SHROOM2: variants seen among roughly 807,000 people sequenced by gnomAD.
SHROOM2 encodes the protein protein Shroom2.
SHROOM2 carries 33 observed loss-of-function variants against 75.9 expected under a neutral mutation model. The ratio of observed to expected loss-of-function variants is 0.43; its 90% CI spans 0.33 to 0.58. The LOEUF (loss-of-function observed/expected upper bound fraction) is 0.58. Ranked by LOEUF, SHROOM2 falls within the 20% of genes least tolerant of loss-of-function variation. The probability of loss-of-function intolerance (pLI) is 0.04; values close to 1 mark genes in which losing one functional copy is unlikely to be tolerated. For synonymous variants in SHROOM2, 655 were observed against 663.6 expected (o/e 0.99, Z 0.20); for missense variants, 1,434 against 1,461.2 (o/e 0.98, Z 0.30).
In SHROOM2 at chrX:9,937,122, T is replaced by G. The variant is rs374380947; in HGVS notation, c.3588-12T>G. On this transcript the variant is annotated splice_polypyrimidine_tract_variant and intron_variant, in intron 6 of 9. Coordinates refer to ENST00000380913, the MANE Select transcript of SHROOM2 (RefSeq NM_001649.4). ...CATGCTTTGCGATTTCAGCAGACTG[T>G]TCATCTTCCAGAATTGAGCGGGTGA... The G allele has an allele frequency of 8.5e-7, 1 of 1,177,348 alleles. No individual in the cohort carries two copies. Among genetic ancestry groups the G allele is most frequent in the East Asian group, 3.1e-5 (1 of 32,317 alleles).
chrX:9,939,431 A>C, intron 8 of SHROOM2, 65 bp downstream of exon 8: 1 of 997,131 alleles, frequency 1.0e-6, no homozygotes, highest in African/African-American at 2.1e-5. Flanking sequence ...TCCGGATCAC[A>C]CCATCCTGCC....
At chrX:9,790,116 G>A (rs1026157176) in intron 1 of SHROOM2, among the ~76,000 whole-genome samples, 1 of 112,316 alleles carries the variant, frequency 8.9e-6, no homozygotes, top group Non-Finnish European at 1.9e-5. Context: ...CAGCCAGGTG[G>A]CAAGTGTCTT....
chrX:9,887,857 C>T lies in SHROOM2; in HGVS notation c.318-3120C>T, dbSNP rs1392749169. The stretch of plus-strand genomic sequence containing the variant: ...TGCAGCTGAGATGGGGTTACTACAT[C>T]TCTAAGGCAGTGCTCCAGCTGCAGG... On this transcript the variant is annotated intron_variant, in intron 2 of 9. Coordinates refer to ENST00000380913, the MANE Select transcript of SHROOM2 (RefSeq NM_001649.4). Among the ~76,000 whole-genome samples the T allele has an allele frequency of 3.5e-5, 4 of 113,009 alleles. No individual in the cohort carries two copies. The Admixed American group carries it at 3.7e-4, about 10-fold the overall frequency.
At chrX:9,880,292 CT>C (rs1214818973) in intron 2 of SHROOM2, among the ~76,000 whole-genome samples, 1 of 112,886 alleles carries the variant, frequency 8.9e-6, no homozygotes, top group African/African-American at 3.2e-5. Flanking sequence ...GCAGTCACCC[CT>C]AAAGGACAGG....
At chrX:9,919,477 G>A (rs192709187) in intron 5 of SHROOM2, among the ~76,000 whole-genome samples, 8 of 107,483 alleles carry the variant, frequency 7.4e-5, no homozygotes, top group African/African-American at 1.0e-4. Context: ...GACTACAGGC[G>A]CCCACCACCA....
In SHROOM2 at chrX:9,921,192, G is replaced by A. The variant is rs767399926; in HGVS notation, c.2892-10983G>A. Among the ~76,000 whole-genome samples, 15 of 111,737 alleles carry A rather than the reference G, an allele frequency of 1.3e-4. No homozygotes were observed. In the South Asian group the frequency reaches 4.1e-3, roughly 31 times the overall value. ...TCACAACATGGTTGTTGGCTTCCCC[G>A]CTGTGAGTTATCCTCGGGAGAGAGG... On this transcript the variant is annotated intron_variant, in intron 5 of 9. Coordinates refer to ENST00000380913, the MANE Select transcript of SHROOM2 (RefSeq NM_001649.4).
At chrX:9,891,259 G>A (rs766003930) in intron 3 of SHROOM2, 151 bp downstream of exon 3, 13 of 692,912 alleles carry the variant, frequency 1.9e-5, no homozygotes, top group African/African-American at 4.5e-5. Flanking sequence ...TGACTGAACC[G>A]GCAAGCGTGT....
intron 1 of SHROOM2, among the ~76,000 whole-genome samples, chrX:9,805,771 G>T (rs1601915426): frequency 9.1e-6 from 1 of 110,367 alleles, no homozygotes; most frequent in East Asian, 2.9e-4. Flanking sequence ...CTTGAGTTGG[G>T]ACTTAAGGAG....
In SHROOM2 at chrX:9,932,548, G is replaced by T; in HGVS notation, c.3265G>T (p.Val1089Phe). Residue 1089 changes from valine (V) to phenylalanine (F), a missense_variant, in exon 6 of 10, where the codon GTC becomes TTC. By Grantham distance (50) the Val-to-Phe change is conservative. Transcript: ENST00000380913. ...DGAPADAPVG[V>F]LGRPFPTPSP... is the part of the protein sequence containing the mutation. ...CGCACCTGCTGACGCCCCCGTGGGCGTCCTCGGCAGGCCCTTCCCAACGCC... is the reference window on the plus strand; with the variant it reads ...CGCACCTGCTGACGCCCCCGTGGGCTTCCTCGGCAGGCCCTTCCCAACGCC... The T allele has an allele frequency of 8.3e-7, 1 of 1,211,260 alleles. No homozygotes were observed. The highest frequency in any genetic ancestry group is 1.7e-5 in the African/African-American group (1 of 57,872).
At position 9,853,642 on chromosome X, in the gene SHROOM2, C is replaced by T. The variant is rs760879793; in HGVS notation, c.166-20010C>T. On this transcript the variant is annotated intron_variant, in intron 1 of 9. Transcript: ENST00000380913. ...AATTTCCCTCATCTGTTGTGGACAC[C>T]GTTATTGGATTAGGGCCCTCCCTAA... 5.4e-5 allele frequency among the ~76,000 whole-genome samples: 6 copies of T among 111,787 alleles called. No individual in the cohort carries two copies. The East Asian group carries it at 1.4e-3, about 26-fold the overall frequency.
intron 5 of SHROOM2, among the ~76,000 whole-genome samples, chrX:9,930,784 C>T (rs890180758): frequency 9.0e-6 from 1 of 110,498 alleles, no homozygotes; most frequent in Non-Finnish European, 1.9e-5. Context: ...GCTTTGTCAC[C>T]CAGGCTGGAG....
chrX:9,918,884 A>G (rs113856605), intron 5 of SHROOM2, among the ~76,000 whole-genome samples: 23,797 of 110,745 alleles, frequency 0.21, 1,943 homozygotes, highest in Middle Eastern at 0.27. Flanking sequence ...ATCCTATCCC[A>G]TTGGGGTTAG....
chrX:9,889,152 T>A (rs1332393140), intron 2 of SHROOM2, among the ~76,000 whole-genome samples: 1 of 111,829 alleles, frequency 8.9e-6, no homozygotes, highest in Non-Finnish European at 1.9e-5. Context: ...TTTCCTTCCA[T>A]GGGGTGCTGA....
At chrX:9,903,225 G>A (rs1448055901) in intron 5 of SHROOM2, among the ~76,000 whole-genome samples, 1 of 112,060 alleles carries the variant, frequency 8.9e-6, no homozygotes, top group East Asian at 2.8e-4. Flanking sequence ...TGTCACTTTA[G>A]GGCAGATGTT....
intron 1 of SHROOM2, chrX:9,818,747 A>G: frequency 4.3e-6 from 2 of 464,845 alleles, no homozygotes; most frequent in Middle Eastern, 7.7e-4. Flanking sequence ...TCTTTGTCAC[A>G]TAAATCAATG....
intron 5 of SHROOM2, among the ~76,000 whole-genome samples, chrX:9,914,054 C>T (rs866158681): frequency 8.3e-5 from 8 of 96,491 alleles, no homozygotes; most frequent in African/African-American, 3.1e-4. Flanking sequence ...CCTCCACCTG[C>T]GCCCACCCCC....
intron 2 of SHROOM2, among the ~76,000 whole-genome samples, chrX:9,879,401 C>T (rs1452190987): frequency 8.9e-6 from 1 of 111,748 alleles, no homozygotes; most frequent in Non-Finnish European, 1.9e-5. Context: ...GCTGGGACTA[C>T]AGGCGTGTGC....
At chrX:9,923,438 G>C (rs992659991) in intron 5 of SHROOM2, among the ~76,000 whole-genome samples, 4 of 112,712 alleles carry the variant, frequency 3.5e-5, no homozygotes, top group Non-Finnish European at 5.6e-5. Flanking sequence ...TCTAAAGGAA[G>C]TGGGTAAGAA....
intron 6 of SHROOM2, among the ~76,000 whole-genome samples, chrX:9,934,447 A>G (rs138040767): frequency 4.3e-4 from 48 of 111,954 alleles, no homozygotes; most frequent in Non-Finnish European, 8.5e-4. Flanking sequence ...TTTAAAATGT[A>G]TCTAAAGATC....
Sources: allele counts gnomAD v4.1 joint callset (sites outside exome capture counted in the v4.1 genomes callset), GRCh38; gene constraint gnomAD v4.1.1; transcripts MANE v1.5; gene names NCBI Gene and HGNC (gene_info 2026-07-23, HGNC 2026-07-21).